The following NAALADL2 variants were observed in gnomAD, a reference collection of about 807,000 sequenced individuals.
NAALADL2 encodes the protein N-acetylated alpha-linked acidic dipeptidase like 2.
NAALADL2 carries 76 observed loss-of-function variants against 87.2 expected under a neutral mutation model. The ratio of observed to expected loss-of-function variants is 0.87; its 90% CI spans 0.72 to 1.05. The LOEUF is 1.05. Ranked by LOEUF, NAALADL2 falls within the 50% of genes least tolerant of loss-of-function variation. The pLI, the probability that NAALADL2 is intolerant of heterozygous loss-of-function variation, is 0.00. For missense variants in NAALADL2, 1,089 were observed against 945.8 expected (o/e 1.15, Z -1.99); for synonymous variants, 354 against 331.0 (o/e 1.07, Z -0.75).
chr3:175,175,061 A>G (rs1735512667), intron 2 of NAALADL2, among the ~76,000 whole-genome samples: 2 of 152,030 alleles, frequency 1.3e-5, no homozygotes, highest in African/African-American at 4.8e-5. Context: ...TAAAAATTTC[A>G]TAAGTAGAGA....
At chr3:174,441,520 A>G (rs1351128124) in intron 1 of NAALADL2, among the ~76,000 whole-genome samples, 1 of 152,046 alleles carries the variant, frequency 6.6e-6, no homozygotes, top group Non-Finnish European at 1.5e-5. Flanking sequence ...CGCGCAGCAC[A>G]GTTCCGCCCC....
chr3:175,424,011 G>A (rs1336494864), intron 5 of NAALADL2, among the ~76,000 whole-genome samples: 2 of 152,132 alleles, frequency 1.3e-5, no homozygotes, highest in Non-Finnish European at 1.5e-5. Context: ...TTTCTCTGAC[G>A]GCCAGTGATG....
Position 175,465,473 on chromosome 3 carries a change from C to CTTTTTTTTTTTTTTTTTT in NAALADL2, c.1328-1504_1328-1487dup, listed in dbSNP as rs71164634. On this transcript the variant is annotated intron_variant, in intron 7 of 13. Coordinates refer to ENST00000454872, the MANE Select transcript of NAALADL2 (RefSeq NM_207015.3). ...ACACTATGTATACCATGAATTAAAT[C>CTTTTTTTTTTTTTTTTTT]TTTTTTTTTTTTTTTTTTTGAGATG... Among the ~76,000 whole-genome samples the CTTTTTTTTTTTTTTTTTT allele has an allele frequency of 1.7e-3, 184 of 106,718 alleles. 5 individuals carry two copies. The highest frequency in any genetic ancestry group is 6.7e-3 in the African/African-American group (177 of 26,428). 70.0% of individuals were successfully genotyped at this position (106,718 alleles called of 152,430 possible).
chr3:175,109,466 C>T (rs1723807179), intron 2 of NAALADL2, among the ~76,000 whole-genome samples: 1 of 151,272 alleles, frequency 6.6e-6, no homozygotes, highest in African/African-American at 2.4e-5. Context: ...TTGGCCACAC[C>T]TAGACAATAG....
intron 2 of NAALADL2, among the ~76,000 whole-genome samples, chr3:174,659,989 C>G (rs1193183361): frequency 6.6e-6 from 1 of 151,992 alleles, no homozygotes; most frequent in South Asian, 2.1e-4. Context: ...TTTCTTGAGG[C>G]AAAATTTTGA....
rs111654345 is a variant in NAALADL2, at chr3:175,161,524, G to A, written c.545+64233G>A. The stretch of plus-strand genomic sequence containing the variant: ...GACTAAAATTCCCAGAATGGAGCAG[G>A]GTAGGAGTCAGGGCAGAGGATCCAG... On this transcript the variant is annotated intron_variant, in intron 2 of 13. Coordinates refer to ENST00000454872, the MANE Select transcript of NAALADL2 (RefSeq NM_207015.3). 7.1e-3 allele frequency among the ~76,000 whole-genome samples: 1,079 copies of A among 152,126 alleles called. 11 individuals are homozygous for A. The highest frequency in any genetic ancestry group is 0.024 in the African/African-American group (1,004 of 41,514).
intron 11 of NAALADL2, among the ~76,000 whole-genome samples, chr3:175,641,872 A>C (rs1729335765): frequency 6.6e-6 from 1 of 152,236 alleles, no homozygotes; most frequent in Non-Finnish European, 1.5e-5. Flanking sequence ...GTTTTTCATG[A>C]TTCAAATGCC....
intron 11 of NAALADL2, chr3:175,675,709 A>C (rs1208587072): frequency 6.6e-6 from 1 of 151,950 alleles, no homozygotes; most frequent in African/African-American, 2.4e-5. Context: ...TTAATTTTGA[A>C]CTCAGGCATA....
At chr3:175,694,007 A>T (rs1412949987) in intron 11 of NAALADL2, among the ~76,000 whole-genome samples, 4 of 152,142 alleles carry the variant, frequency 2.6e-5, no homozygotes, top group East Asian at 1.9e-4. Flanking sequence ...TGATTTTTTT[A>T]AATTACCAAA....
At chr3:174,610,300 A>C (rs1199451123) in intron 2 of NAALADL2, among the ~76,000 whole-genome samples, 18 of 151,946 alleles carry the variant, frequency 1.2e-4, no homozygotes, top group East Asian at 3.9e-4. Context: ...GCAACAAAAG[A>C]CAAAATTGAC....
chr3:175,485,589 G>C (rs1056672470), intron 9 of NAALADL2, among the ~76,000 whole-genome samples: 1 of 152,126 alleles, frequency 6.6e-6, no homozygotes, highest in Admixed American at 6.6e-5. Context: ...ACAGAACCTG[G>C]AACCTGATGT....
At chr3:174,869,324 T>C (rs1036291680) in intron 1 of NAALADL2, among the ~76,000 whole-genome samples, 1 of 146,094 alleles carries the variant, frequency 6.8e-6, no homozygotes, top group African/African-American at 2.8e-5. Context: ...AAAGAGGTAG[T>C]TACACCAAAA....
intron 2 of NAALADL2, among the ~76,000 whole-genome samples, chr3:174,608,415 G>T (rs1201761309): frequency 2.0e-5 from 3 of 151,472 alleles, no homozygotes; most frequent in Non-Finnish European, 4.4e-5. Flanking sequence ...TTGATAGACC[G>T]CTAGCAAGAC....
chr3:175,136,828 T>C (rs1166526328), intron 2 of NAALADL2, among the ~76,000 whole-genome samples: 2 of 152,182 alleles, frequency 1.3e-5, no homozygotes, highest in East Asian at 3.9e-4. Context: ...TGACCTTGTG[T>C]TTCTATAAGT....
rs377347753 is a variant in NAALADL2 at position 175,234,578 on chromosome 3, CA to C, written c.819+378del. On this transcript the variant is annotated intron_variant, in intron 3 of 13. Coordinates refer to ENST00000454872, the MANE Select transcript of NAALADL2 (RefSeq NM_207015.3). ...GTTGTGTTTTGAGATTGTGCACACA[CA>C]AAAGAAATTAAGTGGAAAATTGATA... Among the ~76,000 whole-genome samples the C allele has an allele frequency of 4.1e-4, 62 of 152,152 alleles. 1 individual carries two copies. The East Asian group carries it at 0.011, about 26-fold the overall frequency.
chr3:174,636,169 C>T (rs1413590466), intron 2 of NAALADL2, among the ~76,000 whole-genome samples: 2 of 152,048 alleles, frequency 1.3e-5, no homozygotes, highest in East Asian at 3.9e-4. Context: ...CTATCTTTCA[C>T]CACATACAAA....
chr3:175,193,623 G>A (rs145823259), intron 2 of NAALADL2, among the ~76,000 whole-genome samples: 1 of 151,584 alleles, frequency 6.6e-6, no homozygotes, highest in South Asian at 2.1e-4. Context: ...CCCTCTACCT[G>A]TTTCAAATAT....
intron 1 of NAALADL2, among the ~76,000 whole-genome samples, chr3:174,891,534 C>T (rs1730873369): frequency 6.6e-6 from 1 of 152,136 alleles, no homozygotes; most frequent in African/African-American, 2.4e-5. Context: ...GAACTCAGTG[C>T]TGTTCTGTTG....
intron 5 of NAALADL2, among the ~76,000 whole-genome samples, chr3:175,360,902 G>A (rs1764925662): frequency 6.7e-6 from 1 of 150,342 alleles, no homozygotes; most frequent in Admixed American, 6.7e-5. Context: ...AAGTTCTAGG[G>A]TACATGTGTA....
Sources: gnomAD v4.1 joint callset for allele counts (sites outside exome capture counted in the v4.1 genomes callset) on GRCh38, gnomAD v4.1.1 for gene constraint, MANE v1.5 for transcripts, NCBI Gene and HGNC (gene_info 2026-07-23, HGNC 2026-07-21) for gene names.